ARHGEF28: variants seen among roughly 807,000 people sequenced by gnomAD.
ARHGEF28 encodes Rho guanine nucleotide exchange factor 28.
In ARHGEF28, 152 loss-of-function variants were observed where a neutral mutation model predicts 206.6. The observed-to-expected ratio is 0.74, with a 90% CI of 0.64 to 0.84. ARHGEF28 has a LOEUF of 0.84. Among genes scored for constraint, ARHGEF28 ranks in the 40% least tolerant of loss-of-function variants. The pLI is 0.00. For missense variants in ARHGEF28, 2,028 were observed against 2,073.2 expected, an observed-to-expected ratio of 0.98 and a Z score of 0.42; for synonymous variants, 763 against 776.4, an observed-to-expected ratio of 0.98 and a Z score of 0.29.
intron 2 of ARHGEF28, among the ~76,000 whole-genome samples, chr5:73,707,835 C>G (rs551569016): frequency 1.2e-3 from 175 of 152,148 alleles, no homozygotes; most frequent in African/African-American, 3.9e-3. Flanking sequence ...TTTGTACTTT[C>G]TAGTATGAAA....
chr5:73,910,879 C>G (rs981583992), intron 34 of ARHGEF28, among the ~76,000 whole-genome samples: 2 of 152,156 alleles, frequency 1.3e-5, no homozygotes, highest in African/African-American at 4.8e-5. Context: ...GATAAGCTTA[C>G]AAGATCTCTG....
Position 73,873,594 on chromosome 5 carries a change from A to G in ARHGEF28, c.2814+348A>G, listed in dbSNP as rs1045565114. Among the ~76,000 whole-genome samples, 8 of 152,326 alleles carry G rather than the reference A, an allele frequency of 5.3e-5. No homozygotes were observed. In the South Asian group the frequency reaches 1.4e-3, roughly 28 times the overall value. Reference sequence around the variant, plus strand: ...GAGCTCCATCTGCAGTTGCTTTAGCATGGCTTTCCCTGGGTAGATGCTAGA... The same window carrying G: ...GAGCTCCATCTGCAGTTGCTTTAGCGTGGCTTTCCCTGGGTAGATGCTAGA... On this transcript the variant is annotated intron_variant, in intron 22 of 35. Coordinates refer to ENST00000513042, the MANE Select transcript of ARHGEF28 (RefSeq NM_001177693.2).
In ARHGEF28 at chr5:73,904,373, C is replaced by T. The variant is rs377176281; in HGVS notation, c.4129C>T (p.Gln1377Ter). The change falls in exon 33 of 36, where the codon CAG (glutamine) becomes TAG (stop). Residue 1377 changes from glutamine to a stop codon, truncating the protein, a stop_gained. Transcript: ENST00000513042. LOFTEE classifies it high-confidence loss of function. Reference sequence around the variant, plus strand: ...TGTTTTTCAGATTATACAAGCCATACAGAATTTAACCCGTCTCTTATACAG... The same window carrying T: ...TGTTTTTCAGATTATACAAGCCATATAGAATTTAACCCGTCTCTTATACAG... ...SSQSEIIQAI[Q>*]NLTRLLYSLQ... 1 of 1,612,994 alleles carries T rather than the reference C, an allele frequency of 6.2e-7. No individual in the cohort carries two copies. Among genetic ancestry groups the T allele is most frequent in the African/African-American group, 1.3e-5 (1 of 75,010 alleles).
At chr5:73,858,837 A>G (rs1316304843) in intron 16 of ARHGEF28, among the ~76,000 whole-genome samples, 3 of 152,218 alleles carry the variant, frequency 2.0e-5, no homozygotes, top group African/African-American at 7.2e-5. Context: ...TACCTCAAGT[A>G]TAGACTGAAG....
chr5:73,711,584 A>T (rs1749248519), intron 2 of ARHGEF28, among the ~76,000 whole-genome samples: 2 of 152,158 alleles, frequency 1.3e-5, no homozygotes, highest in Admixed American at 1.3e-4. Context: ...TTTTGGTGCT[A>T]TCATGATGTT....
chr5:73,857,212 A>G (rs1759100544), intron 14 of ARHGEF28, among the ~76,000 whole-genome samples: 1 of 152,204 alleles, frequency 6.6e-6, no homozygotes, highest in African/African-American at 2.4e-5. Flanking sequence ...CGTTCCAAAA[A>G]TAAATAAAAT....
Position 73,723,191 on chromosome 5 carries a change from AT to A in ARHGEF28, c.34-26635del, listed in dbSNP as rs919147168. On this transcript the variant is annotated intron_variant, in intron 2 of 35. Transcript: ENST00000513042. ...ACTGTTTTCCATTTGAAGGAAAAGA[AT>A]TTTTTTTTTTCCTTTGTGATGGAGT... 3.7e-3 allele frequency among the ~76,000 whole-genome samples: 548 copies of A among 149,418 alleles called. 3 individuals carry two copies. The highest frequency in any genetic ancestry group is 0.011 in the African/African-American group (439 of 40,846).
rs10551544 is a variant in ARHGEF28 at position 73,681,088 on chromosome 5, A to ATT, written c.-11-3737_-11-3736dup. Among the ~76,000 whole-genome samples, 976 of 139,904 alleles carry ATT rather than the reference A, an allele frequency of 7.0e-3. 13 individuals are homozygous for ATT. Among genetic ancestry groups the ATT allele is most frequent in the African/African-American group, 0.022 (847 of 37,948 alleles). The allele number at this position is 139,904 out of a possible 152,430, so 91.8% of individuals were successfully genotyped here. A position where few individuals can be genotyped will look rare whatever the true frequency, so the allele number is the denominator to read the frequency against. On this transcript the variant is annotated intron_variant, in intron 1 of 35. Transcript: ENST00000513042. ...GCTTCCACATTTCCTATAGTAATGC[A>ATT]TTTTTTTTTTTTTTTTTGGCTATTA... is the stretch of plus-strand genomic sequence containing the variant.
At chr5:73,857,225 A>C (rs1327741314) in intron 14 of ARHGEF28, among the ~76,000 whole-genome samples, 3 of 152,166 alleles carry the variant, frequency 2.0e-5, no homozygotes, top group Admixed American at 2.0e-4. Context: ...AATAAAATCC[A>C]GTTGCATATT....
At chr5:73,672,190 T>G (rs1246632481) in intron 1 of ARHGEF28, among the ~76,000 whole-genome samples, 1 of 152,194 alleles carries the variant, frequency 6.6e-6, no homozygotes, top group Non-Finnish European at 1.5e-5. Context: ...TATTCATTTT[T>G]GTCACAAATG....
At chr5:73,630,424 G>A (rs945244088) in intron 1 of ARHGEF28, among the ~76,000 whole-genome samples, 9 of 152,116 alleles carry the variant, frequency 5.9e-5, no homozygotes, top group African/African-American at 9.7e-5. Flanking sequence ...TGTAAAATGC[G>A]GATAATAATA....
At chr5:73,707,822 T>G (rs866641403) in intron 2 of ARHGEF28, among the ~76,000 whole-genome samples, 4 of 152,130 alleles carry the variant, frequency 2.6e-5, no homozygotes, top group Non-Finnish European at 4.4e-5. Flanking sequence ...AATGGCAAAA[T>G]TTTTTGTACT....
At chr5:73,899,631 G>A (rs940697786) in intron 30 of ARHGEF28, 3 of 152,254 alleles carry the variant, frequency 2.0e-5, no homozygotes, top group African/African-American at 7.2e-5. Context: ...CAAGGCACAA[G>A]GCTAGTTCTA....
At chr5:73,863,629 C>T (rs938501273) in intron 16 of ARHGEF28, among the ~76,000 whole-genome samples, 1 of 151,648 alleles carries the variant, frequency 6.6e-6, no homozygotes, top group Non-Finnish European at 1.5e-5. Context: ...CTGAGGCCCC[C>T]GTCTTCTGTC....
intron 7 of ARHGEF28, among the ~76,000 whole-genome samples, chr5:73,791,685 G>A (rs1754492741): frequency 6.6e-6 from 1 of 152,150 alleles, no homozygotes; most frequent in South Asian, 2.1e-4. Flanking sequence ...ATGAGACACT[G>A]GCATGAATCT....
Position 73,773,838 on chromosome 5 carries a change from T to A in ARHGEF28, c.476-17T>A. 1 of 1,571,268 alleles carries A rather than the reference T, an allele frequency of 6.4e-7. No individual in the cohort carries two copies. The highest frequency in any genetic ancestry group is 1.2e-5 in the South Asian group (1 of 83,654). On this transcript the variant is annotated splice_polypyrimidine_tract_variant and intron_variant, in intron 4 of 35. Coordinates refer to ENST00000513042, the MANE Select transcript of ARHGEF28 (RefSeq NM_001177693.2). ...TAAATGGAGGAACTAATATGGTATG[T>A]GTTTTTTCCTCTTCAGTATCTTCTC...
At chr5:73,802,436 A>G (rs1042848162) in intron 9 of ARHGEF28, among the ~76,000 whole-genome samples, 3 of 152,140 alleles carry the variant, frequency 2.0e-5, no homozygotes, top group African/African-American at 7.2e-5. Context: ...CTTTCATTTT[A>G]CAACTTTCTG....
At chr5:73,642,349 T>A (rs1335821137) in intron 1 of ARHGEF28, among the ~76,000 whole-genome samples, 1 of 152,238 alleles carries the variant, frequency 6.6e-6, no homozygotes, top group South Asian at 2.1e-4. Context: ...TTTGTTTTTT[T>A]AACTTTCCCC....
Position 73,900,581 on chromosome 5 carries a change from A to C in ARHGEF28, c.3974-603A>C, listed in dbSNP as rs572533334. ...TAACAAGAAATGTGAGAAAAACAACACATTTAGAAATTGTTAAAAAATAAG... is the reference window on the plus strand; with the variant it reads ...TAACAAGAAATGTGAGAAAAACAACCCATTTAGAAATTGTTAAAAAATAAG... On this transcript the variant is annotated intron_variant, in intron 30 of 35. Transcript: ENST00000513042. The C allele has an allele frequency of 7.2e-5, 11 of 152,340 alleles. 1 individual carries two copies. The highest frequency in any genetic ancestry group is 7.2e-4 in the Admixed American group (11 of 15,306). The allele number at this position is 152,340 out of a possible 1,614,324, so 9.4% of individuals were successfully genotyped here.
Sources: gnomAD v4.1 joint callset for allele counts (sites outside exome capture counted in the v4.1 genomes callset) on GRCh38, gnomAD v4.1.1 for gene constraint, MANE v1.5 for transcripts, NCBI Gene and HGNC (gene_info 2026-07-23, HGNC 2026-07-21) for gene names.